KLHL1: variants seen among roughly 807,000 people sequenced by gnomAD.
KLHL1 encodes the protein kelch like family member 1.
A neutral mutation model predicts 77.7 loss-of-function variants in KLHL1; 47 were observed. The ratio of observed to expected loss-of-function variants is 0.60; its 90% CI spans 0.48 to 0.77. The LOEUF is 0.77. KLHL1 is among the 30% of genes least tolerant of loss of function. KLHL1 has a pLI of 0.00. For synonymous variants in KLHL1, 360 were observed against 325.2 expected (o/e 1.11, Z -1.15); for missense variants, 925 against 910.8 (o/e 1.02, Z -0.20).
intron 7 of KLHL1, among the ~76,000 whole-genome samples, chr13:69,754,914 G>C (rs1431945411): frequency 6.6e-6 from 1 of 152,078 alleles, no homozygotes; most frequent in African/African-American, 2.4e-5. Context: ...ACTCAAATGG[G>C]AAGTTTTCTG....
intron 6 of KLHL1, among the ~76,000 whole-genome samples, chr13:69,835,953 A>C (rs1878970607): frequency 6.6e-6 from 1 of 152,130 alleles, no homozygotes; most frequent in African/African-American, 2.4e-5. Context: ...ATGATGGATT[A>C]GTTTGTATCA....
At chr13:69,727,332 G>A (rs1050836549) in intron 8 of KLHL1, among the ~76,000 whole-genome samples, 1 of 152,120 alleles carries the variant, frequency 6.6e-6, no homozygotes, top group Admixed American at 6.6e-5. Flanking sequence ...TATCAATCTA[G>A]AGAGTTTTCA....
In KLHL1 at chr13:69,979,165, G is replaced by C. The variant is rs890207869; in HGVS notation, c.498-3363C>G. Among the ~76,000 whole-genome samples, 16 of 120,884 alleles carry C rather than the reference G, an allele frequency of 1.3e-4. No individual in the cohort carries two copies. In the Admixed American group the frequency reaches 1.3e-3, roughly 10 times the overall value. The allele number at this position is 120,884 out of a possible 152,430, so 79.3% of individuals were successfully genotyped here. A position where few individuals can be genotyped will look rare whatever the true frequency, so the allele number is the denominator to read the frequency against. The stretch of plus-strand genomic sequence containing the variant: ...AAAAAAACAGAAAATTAGATAAGAG[G>C]CTCAAAAAAAAAATAAATAAGTTCC... On this transcript the variant is annotated intron_variant, in intron 1 of 10. Coordinates refer to ENST00000377844, the MANE Select transcript of KLHL1 (RefSeq NM_020866.3).
At chr13:69,955,849 TTAAA>T (rs1883848468) in intron 3 of KLHL1, among the ~76,000 whole-genome samples, 1 of 145,310 alleles carries the variant, frequency 6.9e-6, no homozygotes, top group African/African-American at 2.5e-5. Flanking sequence ...TGCTCCATTT[TTAAA>T]TGAGAAAATA....
At position 69,798,152 on chromosome 13, in the gene KLHL1, A is replaced by C. The variant is rs575745010; in HGVS notation, c.1415-1190T>G. ...TGATGTAGTGTTTGACTTCATGTTC[A>C]GACTCACCTTCACCAATGTTATACC... On this transcript the variant is annotated intron_variant, in intron 6 of 10. Coordinates refer to ENST00000377844, the MANE Select transcript of KLHL1 (RefSeq NM_020866.3). Among the ~76,000 whole-genome samples the C allele has an allele frequency of 1.1e-4, 16 of 152,280 alleles. No homozygotes were observed. The South Asian group carries it at 2.5e-3, about 24-fold the overall frequency.
intron 5 of KLHL1, among the ~76,000 whole-genome samples, chr13:69,876,862 A>G (rs1188239460): frequency 6.6e-6 from 1 of 152,036 alleles, no homozygotes; most frequent in Non-Finnish European, 1.5e-5. Context: ...GTGTGGCAAA[A>G]CCCCGTCTCT....
chr13:69,840,859 G>A (rs1352003841), intron 5 of KLHL1, among the ~76,000 whole-genome samples: 1 of 150,900 alleles, frequency 6.6e-6, no homozygotes, highest in Admixed American at 6.6e-5. Flanking sequence ...TTATAATTAT[G>A]TTTCTATCTA....
intron 4 of KLHL1, 52 bp downstream of exon 4, chr13:69,939,987 AC>A: frequency 7.4e-7 from 1 of 1,353,546 alleles, no homozygotes; most frequent in East Asian, 2.4e-5. Context: ...AATTATTTTT[AC>A]CTCTGATAAC....
At chr13:69,923,947 C>G (rs1882726542) in intron 4 of KLHL1, among the ~76,000 whole-genome samples, 1 of 152,204 alleles carries the variant, frequency 6.6e-6, no homozygotes, top group Admixed American at 6.5e-5. Flanking sequence ...GTGCCTGCTC[C>G]TGCTGCCTGG....
intron 1 of KLHL1, among the ~76,000 whole-genome samples, chr13:69,986,023 G>A (rs558353262): frequency 9.3e-5 from 14 of 150,966 alleles, no homozygotes; most frequent in African/African-American, 3.4e-4. Flanking sequence ...ATTCCATTGT[G>A]TGGAATACTA....
At chr13:70,064,853 G>A (rs1398134031) in intron 1 of KLHL1, among the ~76,000 whole-genome samples, 1 of 152,246 alleles carries the variant, frequency 6.6e-6, no homozygotes, top group South Asian at 2.1e-4. Context: ...TAAGTCTACA[G>A]TCTGATAAAT....
At chr13:70,059,446 G>A (rs1276620531) in intron 1 of KLHL1, among the ~76,000 whole-genome samples, 4 of 152,082 alleles carry the variant, frequency 2.6e-5, no homozygotes, top group East Asian at 1.9e-4. Context: ...GTGAGATTAT[G>A]AGCATGAGCC....
intron 7 of KLHL1, among the ~76,000 whole-genome samples, chr13:69,788,968 C>T (rs1053670122): frequency 1.3e-5 from 2 of 150,030 alleles, no homozygotes; most frequent in Non-Finnish European, 3.0e-5. Flanking sequence ...CCTCTTTTCC[C>T]CTCTCAGGAG....
chr13:70,028,356 G>T (rs186047853), intron 1 of KLHL1, among the ~76,000 whole-genome samples: 54 of 152,226 alleles, frequency 3.5e-4, no homozygotes, highest in East Asian at 1.5e-3. Context: ...TATATATATA[G>T]ACAGAGGTAT....
intron 3 of KLHL1, among the ~76,000 whole-genome samples, chr13:69,940,792 C>CAAAAA (rs374717086): frequency 1.5e-5 from 1 of 67,710 alleles, no homozygotes; most frequent in Non-Finnish European, 2.9e-5. Context: ...ATCTTAAAGG[C>CAAAAA]AAAAAAAAAA....
chr13:69,877,937 C>T (rs1347106118), intron 5 of KLHL1, among the ~76,000 whole-genome samples: 1 of 151,946 alleles, frequency 6.6e-6, no homozygotes, highest in Non-Finnish European at 1.5e-5. Context: ...ATAACAAAGC[C>T]CAGATACACA....
chr13:70,071,533 A>G (rs1050391365), intron 1 of KLHL1, among the ~76,000 whole-genome samples: 6 of 152,112 alleles, frequency 3.9e-5, no homozygotes, highest in Admixed American at 1.3e-4. Flanking sequence ...GATCTTCTCA[A>G]GCTCACATGA....
intron 1 of KLHL1, among the ~76,000 whole-genome samples, chr13:70,030,644 A>G (rs1301203749): frequency 6.6e-6 from 1 of 152,114 alleles, no homozygotes; most frequent in Non-Finnish European, 1.5e-5. Context: ...GAAAGCAGGA[A>G]AGATCCAAAA....
intron 8 of KLHL1, among the ~76,000 whole-genome samples, chr13:69,728,246 G>T (rs1328322048): frequency 5.3e-5 from 8 of 152,094 alleles, no homozygotes; most frequent in Non-Finnish European, 1.0e-4. Flanking sequence ...GAAACAGAGT[G>T]TTGGAAGGCA....
Sources: allele counts gnomAD v4.1 joint callset (sites outside exome capture counted in the v4.1 genomes callset), GRCh38; gene constraint gnomAD v4.1.1; transcripts MANE v1.5; gene names NCBI Gene and HGNC (gene_info 2026-07-23, HGNC 2026-07-21).